The following SLC17A5 variants were observed in gnomAD, a reference collection of about 807,000 sequenced individuals.
The protein encoded by SLC17A5 is solute carrier family 17 member 5.
In SLC17A5, 47 loss-of-function variants were observed where a neutral mutation model predicts 59.4. The observed-to-expected ratio is 0.79, with a 90% CI of 0.63 to 1.01. The LOEUF is 1.01. Among genes scored for constraint, SLC17A5 ranks in the 50% least tolerant of loss-of-function variants. SLC17A5 has a pLI of 0.00. For synonymous variants in SLC17A5, 202 were observed against 210.7 expected (o/e 0.96, Z 0.36); for missense variants, 522 against 595.5 (o/e 0.88, Z 1.28).
At position 73,653,793 on chromosome 6, in the gene SLC17A5, C is replaced by A. The variant is rs1306737433; in HGVS notation, c.94G>T (p.Ala32Ser). 3.8e-6 allele frequency: 6 copies of A among 1,586,860 alleles called. No individual in the cohort carries two copies. In the South Asian group the frequency reaches 5.7e-5, roughly 15 times the overall value. ...LLPGAPRAEA[A>S]PVCCSARYNL... ...GCCCCTGGACGACCCCGCCGCTTAC[C>A]GGCTTCGGCCCGTGGGGCGCCCGGT... The change falls in exon 1 of 11, where the codon GCT becomes TCT. Residue 32 changes from alanine to serine, a missense_variant and splice_region_variant. Around this residue, in one of 3 missense-constraint regions of SLC17A5, gnomAD observed 338 missense variants for 363.8 expected, o/e 0.93. Transcript: ENST00000355773.
intron 2 of SLC17A5, among the ~76,000 whole-genome samples, chr6:73,642,127 C>T (rs1463597199): frequency 1.3e-5 from 2 of 152,182 alleles, no homozygotes; most frequent in African/African-American, 4.8e-5. Flanking sequence ...AACTGACAGT[C>T]GTAAACTTCA....
intron 1 of SLC17A5, among the ~76,000 whole-genome samples, chr6:73,647,780 A>C (rs1287446918): frequency 2.0e-5 from 3 of 152,210 alleles, no homozygotes. Flanking sequence ...TTAGAAAATA[A>C]AAAGCGGCCA....
chr6:73,602,747 C>G (rs1344430163), intron 9 of SLC17A5, among the ~76,000 whole-genome samples: 1 of 149,536 alleles, frequency 6.7e-6, no homozygotes, highest in African/African-American at 2.5e-5. Context: ...TGCACTCCAG[C>G]CTGGCCGACA....
At chr6:73,597,195 T>C (rs1342748447) in intron 10 of SLC17A5, among the ~76,000 whole-genome samples, 2 of 150,870 alleles carry the variant, frequency 1.3e-5, no homozygotes, top group Admixed American at 6.6e-5. Flanking sequence ...AGGCCAGGCG[T>C]GGTGGCTTAC....
At chr6:73,634,246 A>G (rs1313927581) in intron 6 of SLC17A5, among the ~76,000 whole-genome samples, 1 of 152,184 alleles carries the variant, frequency 6.6e-6, no homozygotes, top group Non-Finnish European at 1.5e-5. Context: ...ATATTATATC[A>G]TAATAAATGT....
chr6:73,625,104 C>A (rs1768343870), intron 6 of SLC17A5, among the ~76,000 whole-genome samples: 1 of 152,138 alleles, frequency 6.6e-6, no homozygotes, highest in South Asian at 2.1e-4. Context: ...ATTGCCCAAC[C>A]TTCTTCTGGC....
At position 73,603,873 on chromosome 6, in the gene SLC17A5, G is replaced by T. The variant is rs987026593; in HGVS notation, c.1260-3432C>A. On this transcript the variant is annotated intron_variant, in intron 9 of 10. Transcript: ENST00000355773. ...GTTTCTAGACTCTAGATCCTAGGGG[G>T]TTCATTAGATTTAGGTTTAATGTTT... Among the ~76,000 whole-genome samples, 5 of 151,334 alleles carry T rather than the reference G, an allele frequency of 3.3e-5. No individual in the cohort carries two copies. In the South Asian group the frequency reaches 1.0e-3, roughly 31 times the overall value.
intron 9 of SLC17A5, among the ~76,000 whole-genome samples, chr6:73,601,401 G>A (rs1266861267): frequency 5.4e-5 from 7 of 130,618 alleles, no homozygotes; most frequent in Admixed American, 1.6e-4. Context: ...CGCCCCGTCC[G>A]GGAGGGAGGT....
chr6:73,645,232 C>CA (rs963084275), intron 1 of SLC17A5: 76 of 668,160 alleles, frequency 1.1e-4, no homozygotes, highest in Non-Finnish European at 1.3e-4. Context: ...TGTAGCATAG[C>CA]AAAAAAAATT....
intron 9 of SLC17A5, among the ~76,000 whole-genome samples, chr6:73,601,942 C>T (rs1581955395): frequency 6.6e-6 from 1 of 151,944 alleles, no homozygotes; most frequent in East Asian, 1.9e-4. Flanking sequence ...GAGGTGTACC[C>T]AACAGCTCAT....
chr6:73,640,098 C>T (rs915907379), intron 3 of SLC17A5, among the ~76,000 whole-genome samples: 14 of 152,216 alleles, frequency 9.2e-5, no homozygotes, highest in African/African-American at 3.1e-4. Flanking sequence ...CCTGAGATAA[C>T]AGTGGTAATA....
intron 1 of SLC17A5, among the ~76,000 whole-genome samples, chr6:73,647,334 TA>T (rs1421127344): frequency 6.6e-6 from 1 of 152,158 alleles, no homozygotes; most frequent in Non-Finnish European, 1.5e-5. Flanking sequence ...GCTTTCCAGC[TA>T]AGAGATGAAG....
chr6:73,600,478 T>A, intron 9 of SLC17A5, 37 bp from the exon 10 acceptor site: 1 of 1,452,736 alleles, frequency 6.9e-7, no homozygotes, highest in Non-Finnish European at 9.7e-7. Flanking sequence ...ATTATTGTGA[T>A]ACACATTTAA....
chr6:73,632,896 T>C lies in SLC17A5; in HGVS notation c.819+2486A>G, dbSNP rs1016698598. On this transcript the variant is annotated intron_variant, in intron 6 of 10. Transcript: ENST00000355773. ...CAAGTTTTACATGGCAACATCTGTTTATAATGTGTTAAATTTTTTTTACCT... is the reference window on the plus strand; with the variant it reads ...CAAGTTTTACATGGCAACATCTGTTCATAATGTGTTAAATTTTTTTTACCT... Among the ~76,000 whole-genome samples the C allele has an allele frequency of 1.6e-4, 24 of 149,442 alleles. 1 individual carries two copies. The highest frequency in any genetic ancestry group is 5.9e-4 in the African/African-American group (23 of 38,854).
chr6:73,635,564 C>A, intron 5 of SLC17A5, 64 bp from the exon 6 acceptor site: 2 of 801,568 alleles, frequency 2.5e-6, no homozygotes, highest in East Asian at 5.5e-5. Context: ...CAAAACAAAA[C>A]AAAAACACAA....
At position 73,601,128 on chromosome 6, in the gene SLC17A5, G is replaced by T. The variant is rs1314085877; in HGVS notation, c.1260-687C>A. Among the ~76,000 whole-genome samples the T allele has an allele frequency of 1.6e-4, 24 of 150,270 alleles. No homozygotes were observed. The South Asian group carries it at 4.6e-3, about 29-fold the overall frequency. On this transcript the variant is annotated intron_variant, in intron 9 of 10. Transcript: ENST00000355773. ...CCTCTTCCCGGCAGCCATCCCATCT[G>T]GGAAGTGAGGAGCGTCTCTGCCCGG...
intron 1 of SLC17A5, among the ~76,000 whole-genome samples, chr6:73,646,840 T>C (rs1314872608): frequency 6.6e-6 from 1 of 152,106 alleles, no homozygotes; most frequent in Non-Finnish European, 1.5e-5. Flanking sequence ...ATCTGACTAA[T>C]TTTTAAATTT....
chr6:73,596,552 G>T (rs916904938), intron 10 of SLC17A5, among the ~76,000 whole-genome samples: 2 of 152,172 alleles, frequency 1.3e-5, no homozygotes, highest in African/African-American at 4.8e-5. Context: ...GACTACATTT[G>T]CAGCATTAAC....
chr6:73,631,557 T>C (rs1226105686), intron 6 of SLC17A5, among the ~76,000 whole-genome samples: 1 of 151,910 alleles, frequency 6.6e-6, no homozygotes, highest in Non-Finnish European at 1.5e-5. Context: ...CCCATGGTTC[T>C]TCATGGTGTG....
Sources: allele counts gnomAD v4.1 joint callset (sites outside exome capture counted in the v4.1 genomes callset), GRCh38; gene constraint gnomAD v4.1.1; regional missense constraint gnomAD v4.1.1; transcripts MANE v1.5; gene names NCBI Gene and HGNC (gene_info 2026-07-23, HGNC 2026-07-21).